The following PPP2R5B variants were observed in gnomAD, a reference collection of about 807,000 sequenced individuals.
PPP2R5B encodes the protein protein phosphatase 2 regulatory subunit B'beta.
PPP2R5B carries 19 observed loss-of-function variants against 59.9 expected under a neutral mutation model. The ratio of observed to expected loss-of-function variants is 0.32; its 90% confidence interval spans 0.22 to 0.47. The LOEUF (loss-of-function observed/expected upper bound fraction) is 0.47. Among genes scored for constraint, PPP2R5B ranks in the 20% least tolerant of loss-of-function variants. PPP2R5B has a pLI of 1.00. For missense variants in PPP2R5B, 441 were observed against 640.2 expected (o/e 0.69, Z 3.36); for synonymous variants, 286 against 260.5 (o/e 1.10, Z -0.94).
chr11:64,920,236 T>G (rs922978624), upstream of PPP2R5B, among the ~76,000 whole-genome samples: 1 of 152,226 alleles, frequency 6.6e-6, no homozygotes, highest in African/African-American at 2.4e-5. Context: ...CTGGAGCCAC[T>G]CTGGGAGTTT....
Position 64,933,709 on chromosome 11 carries a change from G to T in PPP2R5B, c.1359G>T (p.Lys453Asn), listed in dbSNP as rs749308648. 6.4e-7 allele frequency: 1 copy of T among 1,555,540 alleles called. No homozygotes were observed. Among genetic ancestry groups the T allele is most frequent in the Non-Finnish European group, 8.7e-7 (1 of 1,149,136 alleles). ...YKLEKQQEQQ[K>N]AQERQELWQG... ...CCTCTCTCCCCAGGGAGCAGCAGAA[G>T]GCCCAGGAGCGTCAGGAGTTATGGC... Residue 453 changes from lysine to asparagine, a missense_variant, in exon 14 of 14, where the codon AAG (lysine) becomes AAT (asparagine). Lys to Asn is a moderately conservative substitution (Grantham distance 94). Transcript: ENST00000164133.
Position 64,928,362 on chromosome 11 carries a change from T to A in PPP2R5B, c.659T>A (p.Val220Asp). 6.2e-7 allele frequency: 1 copy of A among 1,614,124 alleles called. No homozygotes were observed. The change falls in exon 6 of 14, where the codon GTC (valine) becomes GAC (aspartate). Residue 220 changes from valine (V) to aspartate (D), a missense_variant. Around this residue, in one of 3 missense-constraint regions of PPP2R5B, gnomAD observed 268 missense variants for 488.1 expected, o/e 0.55. Coordinates refer to ENST00000164133, the MANE Select transcript of PPP2R5B (RefSeq NM_006244.4). The stretch of plus-strand genomic sequence containing the variant: ...TACCTCAAGACCATCCTGCACCGGG[T>A]CTATGGCAAGTTCCTGGGTCTCCGG... The part of the protein sequence containing the change: ...REYLKTILHR[V>D]YGKFLGLRAY...
chr11:64,931,688 G>T lies in PPP2R5B; in HGVS notation c.997-61G>T. The stretch of plus-strand genomic sequence containing the variant: ...CTAGAAGGCAGTCAGGTGTGTGTAT[G>T]TGTAGGGGGAGATGTGAGCTGCTGC... On this transcript the variant is annotated intron_variant, in intron 10 of 13. Transcript: ENST00000164133. This position sits in a 1 kb window ranked among gnomAD's most constrained non-coding sequence, Gnocchi z 5.0. 17 of 1,613,978 alleles carry T rather than the reference G, an allele frequency of 1.1e-5. No homozygotes were observed. Among genetic ancestry groups the T allele is most frequent in the Non-Finnish European group, 1.4e-5 (17 of 1,179,952 alleles).
At chr11:64,920,906 G>A (rs968361596), upstream of PPP2R5B, among the ~76,000 whole-genome samples, 1 of 150,396 alleles carries the variant, frequency 6.6e-6, no homozygotes, top group African/African-American at 2.4e-5. Flanking sequence ...GGGATTACAG[G>A]TGTGAGCCAC....
At chr11:64,919,523 G>C (rs1234958441) in intron 1 of PPP2R5B, among the ~76,000 whole-genome samples, 1 of 151,602 alleles carries the variant, frequency 6.6e-6, no homozygotes, top group Non-Finnish European at 1.5e-5. Flanking sequence ...AGGATCGCTT[G>C]AGCCCAGGAG....
intron 4 of PPP2R5B, 64 bp downstream of exon 4, chr11:64,927,967 G>T (rs1188146523): frequency 1.9e-6 from 3 of 1,563,082 alleles, no homozygotes; most frequent in Non-Finnish European, 2.6e-6. Context: ...TGGGGAGAGG[G>T]CCTCCTTAGC....
At position 64,930,896 on chromosome 11, in the gene PPP2R5B, C is replaced by CA. The variant is rs1364340377; in HGVS notation, c.891+311dup. Among the ~76,000 whole-genome samples the CA allele has an allele frequency of 4.0e-5, 6 of 151,334 alleles. No individual in the cohort carries two copies. In the East Asian group the frequency reaches 9.7e-4, roughly 24 times the overall value. Reference sequence around the variant, plus strand: ...TGATACACAATTTTTTTTTTTGAGACAAAACCGTACTCTGTTGCCTCAGCT... The same window carrying CA: ...TGATACACAATTTTTTTTTTTGAGACAAAAACCGTACTCTGTTGCCTCAGCT... On this transcript the variant is annotated intron_variant, in intron 8 of 13. Transcript: ENST00000164133.
intron 6 of PPP2R5B, among the ~76,000 whole-genome samples, chr11:64,929,602 T>C (rs1206235912): frequency 1.3e-5 from 2 of 152,188 alleles, no homozygotes; most frequent in African/African-American, 4.8e-5. Flanking sequence ...GGTAAACACC[T>C]GCAATCCCAG....
intron 13 of PPP2R5B, 111 bp downstream of exon 13, chr11:64,933,357 G>A: frequency 1.1e-6 from 1 of 928,700 alleles, no homozygotes; most frequent in Non-Finnish European, 1.7e-6. Flanking sequence ...ATCAGATGCT[G>A]CAAGACTGTC....
chr11:64,920,633 A>ATTTT (rs34609480), upstream of PPP2R5B, among the ~76,000 whole-genome samples: 6 of 143,992 alleles, frequency 4.2e-5, no homozygotes, highest in South Asian at 2.2e-4. Flanking sequence ...TCCAGCAGTT[A>ATTTT]TTTTTTTTTT....
Position 64,934,020 on chromosome 11 carries a change from C to T in PPP2R5B, c.*176C>T. ...GGAGACGAGGAGAGGCAATGGTGGT[C>T]TTGGCAACAGAATGCTCAGCCCCTC... On this transcript the variant is annotated 3_prime_UTR_variant, in exon 14 of 14. Coordinates refer to ENST00000164133, the MANE Select transcript of PPP2R5B (RefSeq NM_006244.4). 1.3e-6 allele frequency: 1 copy of T among 763,316 alleles called. No homozygotes were observed. The highest frequency in any genetic ancestry group is 3.7e-5 in the Admixed American group (1 of 26,794). The allele number at this position is 763,316 out of a possible 1,614,324, so 47.3% of individuals were successfully genotyped here.
chr11:64,923,822 A>T (rs2136675484), upstream of PPP2R5B, among the ~76,000 whole-genome samples: 1 of 152,190 alleles, frequency 6.6e-6, no homozygotes, highest in African/African-American at 2.4e-5. Flanking sequence ...AGCGGGATGG[A>T]GTTCAGGGCT....
Position 64,925,879 on chromosome 11 carries a change from C to T in PPP2R5B, c.145C>T (p.Gln49Ter). The change falls in exon 2 of 14, where the codon CAG becomes TAG. Residue 49 changes from glutamine to a stop codon, truncating the protein, a stop_gained. Coordinates refer to ENST00000164133, the MANE Select transcript of PPP2R5B (RefSeq NM_006244.4). LOFTEE classifies it high-confidence loss of function. The surrounding 1 kb of genome is among the most constrained non-coding windows in gnomAD (Gnocchi z 4.6). ...ARPRRSHSSS[Q>*]FRYQSNQQEL... Reference sequence around the variant, plus strand: ...GCCCCGCCGCTCCCACAGCTCCTCTCAGTTCCGCTATCAGAGCAACCAGCA... The same window carrying T: ...GCCCCGCCGCTCCCACAGCTCCTCTTAGTTCCGCTATCAGAGCAACCAGCA... The T allele has an allele frequency of 1.9e-6, 3 of 1,612,120 alleles. No individual in the cohort carries two copies. The highest frequency in any genetic ancestry group is 1.7e-6 in the Non-Finnish European group (2 of 1,179,902).
Position 64,934,046 on chromosome 11 carries a change from G to A in PPP2R5B, c.*202G>A, listed in dbSNP as rs1199862177. ...TTGGCAACAGAATGCTCAGCCCCTC[G>A]TGGCAGGACTTGACAAGGGCAAGCT... is the stretch of plus-strand genomic sequence containing the variant. On this transcript the variant is annotated 3_prime_UTR_variant, in exon 14 of 14. Coordinates refer to ENST00000164133, the MANE Select transcript of PPP2R5B (RefSeq NM_006244.4). 11 of 591,028 alleles carry A rather than the reference G, an allele frequency of 1.9e-5. No individual in the cohort carries two copies. In the South Asian group the frequency reaches 3.1e-4, roughly 17 times the overall value. The allele number at this position is 591,028 out of a possible 1,614,324, so 36.6% of individuals were successfully genotyped here.
chr11:64,928,164 G>A lies in PPP2R5B; in HGVS notation c.591+6G>A, dbSNP rs768807846. 6.2e-7 allele frequency: 1 copy of A among 1,614,184 alleles called. No individual in the cohort carries two copies. The highest frequency in any genetic ancestry group is 8.5e-7 in the Non-Finnish European group (1 of 1,179,984). On this transcript the variant is annotated splice_donor_region_variant and intron_variant, in intron 5 of 13. Coordinates refer to ENST00000164133, the MANE Select transcript of PPP2R5B (RefSeq NM_006244.4). Reference sequence around the variant, plus strand: ...ATCAAAAGTTTGTCCTGATGGTGAAGTGGGGAGCCCAGGCTGGGTGGTACC... The same window carrying A: ...ATCAAAAGTTTGTCCTGATGGTGAAATGGGGAGCCCAGGCTGGGTGGTACC...
chr11:64,931,947 G>C lies in PPP2R5B; in HGVS notation c.1116+79G>C. 2 of 1,552,548 alleles carry C rather than the reference G, an allele frequency of 1.3e-6. No individual in the cohort carries two copies. Among genetic ancestry groups the C allele is most frequent in the Admixed American group, 3.8e-5 (2 of 51,984 alleles). ...TAGCTGACCTAATAAAGCTCCCTTT[G>C]CCCTCAGTTTCTCCTCCAATCCCGG... is the stretch of plus-strand genomic sequence containing the variant. On this transcript the variant is annotated intron_variant, in intron 11 of 13. Coordinates refer to ENST00000164133, the MANE Select transcript of PPP2R5B (RefSeq NM_006244.4). This position sits in a 1 kb window ranked among gnomAD's most constrained non-coding sequence, Gnocchi z 5.0.
chr11:64,933,539 C>G (rs1268486328), intron 13 of PPP2R5B, among the ~76,000 whole-genome samples, 158 bp from the exon 14 acceptor site: 1 of 152,202 alleles, frequency 6.6e-6, no homozygotes, highest in Admixed American at 6.5e-5. Flanking sequence ...GTCCTCTGCT[C>G]TCTTCCCTCA....
chr11:64,927,038 C>T, intron 3 of PPP2R5B, 130 bp downstream of exon 3: 1 of 1,008,868 alleles, frequency 9.9e-7, no homozygotes, highest in East Asian at 2.9e-5. Context: ...CGTCTTCCTT[C>T]CCCCCGACCT....
At position 64,926,696 on chromosome 11, in the gene PPP2R5B, G is replaced by C. The variant is rs372911277; in HGVS notation, c.200-16G>C. ...GGGAGCTGGGGCCCAGGCCCAGGAT[G>C]CCCTCTCCTCCCCAGATGTGCCGGC... On this transcript the variant is annotated splice_polypyrimidine_tract_variant and intron_variant, in intron 2 of 13. Coordinates refer to ENST00000164133, the MANE Select transcript of PPP2R5B (RefSeq NM_006244.4). 8.1e-6 allele frequency: 13 copies of C among 1,612,042 alleles called. No individual in the cohort carries two copies. The African/African-American group carries it at 1.5e-4, about 18-fold the overall frequency.
Sources: allele counts gnomAD v4.1 joint callset (sites outside exome capture counted in the v4.1 genomes callset), GRCh38; gene constraint gnomAD v4.1.1; regional missense constraint gnomAD v4.1.1; non-coding constraint Gnocchi (gnomAD v3.1); transcripts MANE v1.5; gene names NCBI Gene and HGNC (gene_info 2026-07-23, HGNC 2026-07-21).